Variants in LRRK1 observed in about 807,000 individuals in gnomAD.
LRRK1 encodes the protein leucine-rich repeat serine/threonine-protein kinase 1.
Under a neutral mutation model 209.1 loss-of-function variants are expected in LRRK1, and 113 were observed. The ratio of observed to expected loss-of-function variants is 0.54; its 90% CI spans 0.46 to 0.63. The LOEUF is 0.63. LRRK1 is among the 30% of genes least tolerant of loss of function. LRRK1 has a pLI of 0.00. For synonymous variants in LRRK1, 1,144 were observed against 1,099.7 expected, an observed-to-expected ratio of 1.04 and a Z score of -0.80; for missense variants, 2,284 against 2,632.2, an observed-to-expected ratio of 0.87 and a Z score of 2.89.
At chr15:101,041,783 T>C (rs1358087730) in intron 20 of LRRK1, among the ~76,000 whole-genome samples, 1 of 152,328 alleles carries the variant, frequency 6.6e-6, no homozygotes, top group Non-Finnish European at 1.5e-5. Context: ...GCCCTACATA[T>C]ACTATGCCTT....
intron 3 of LRRK1, among the ~76,000 whole-genome samples, chr15:100,983,170 G>A (rs1233427224): frequency 6.6e-6 from 1 of 151,812 alleles, no homozygotes; most frequent in Admixed American, 6.6e-5. Context: ...GAGAGACCCT[G>A]TCAAAAAAAA....
chr15:100,969,105 G>T (rs2141646641), intron 2 of LRRK1, among the ~76,000 whole-genome samples: 1 of 152,260 alleles, frequency 6.6e-6, no homozygotes, highest in East Asian at 1.9e-4. Flanking sequence ...CTTCCAAATT[G>T]CTGGGATTAC....
At chr15:100,926,285 C>T (rs1488028387) in intron 2 of LRRK1, among the ~76,000 whole-genome samples, 2 of 117,412 alleles carry the variant, frequency 1.7e-5, no homozygotes, top group African/African-American at 3.2e-5. Context: ...GGTGATAGAA[C>T]GCAGTCCCCG....
chr15:101,026,276 C>G, intron 17 of LRRK1, 139 bp downstream of exon 17: 1 of 802,524 alleles, frequency 1.2e-6, no homozygotes, highest in Admixed American at 2.6e-5. Context: ...ATCCACAGAG[C>G]TGACCCAGCC....
At chr15:100,976,119 A>C (rs2031278178) in intron 3 of LRRK1, among the ~76,000 whole-genome samples, 1 of 152,080 alleles carries the variant, frequency 6.6e-6, no homozygotes, top group African/African-American at 2.4e-5. Flanking sequence ...TTTAACTTTA[A>C]AAAGAAACAG....
At position 101,046,132 on chromosome 15, in the gene LRRK1, C is replaced by G; in HGVS notation, c.3115C>G (p.Leu1039Val). ...GTTTATAGCACGGATGCTGATCAGC[C>G]TGGCGGAGATGGACCTGCAGGTATT... ...QRFIARMLIS[L>V]AEMDLQLFEN... is the part of the protein sequence containing the mutation. Residue 1039 changes from leucine to valine, a missense_variant, in exon 21 of 34, where the codon CTG becomes GTG. Physicochemically the swap from Leu to Val is conservative, Grantham distance 32. This residue lies in a region of LRRK1 where 780 missense variants were observed against 985.2 expected (regional missense o/e 0.79). Transcript: ENST00000388948. 2 of 1,614,246 alleles carry G rather than the reference C, an allele frequency of 1.2e-6. No homozygotes were observed. Among genetic ancestry groups the G allele is most frequent in the Non-Finnish European group, 8.5e-7 (1 of 1,180,038 alleles).
intron 8 of LRRK1, 25 bp downstream of exon 8, chr15:101,010,602 G>T (rs2033183036): frequency 1.2e-6 from 2 of 1,603,876 alleles, no homozygotes; most frequent in Non-Finnish European, 1.7e-6. Flanking sequence ...CAACTTGAGT[G>T]AATTAGTCAT....
chr15:100,982,071 G>A (rs2031633848), intron 3 of LRRK1, among the ~76,000 whole-genome samples: 1 of 149,584 alleles, frequency 6.7e-6, no homozygotes, highest in Non-Finnish European at 1.5e-5. Flanking sequence ...CGCCATCCCT[G>A]GCATCCTGAG....
Position 101,024,120 on chromosome 15 carries a change from C to T in LRRK1, c.2068-683C>T, listed in dbSNP as rs1249054774. On this transcript the variant is annotated intron_variant, in intron 15 of 33. Transcript: ENST00000388948. This position sits in a 1 kb window ranked among gnomAD's most constrained non-coding sequence, Gnocchi z 4.6. ...CTGTGAAGGCTGAGCCCGCCGCTCT[C>T]TCTGTGGCCGGCCTCAGCCAGTTGA... Among the ~76,000 whole-genome samples, 1 of 152,206 alleles carries T rather than the reference C, an allele frequency of 6.6e-6. No homozygotes were observed. The highest frequency in any genetic ancestry group is 1.5e-5 in the Non-Finnish European group (1 of 68,036).
In LRRK1 at chr15:101,010,667, T is replaced by A; in HGVS notation, c.1118-7T>A. 6.3e-7 allele frequency: 1 copy of A among 1,589,594 alleles called. No homozygotes were observed. Among genetic ancestry groups the A allele is most frequent in the East Asian group, 2.2e-5 (1 of 44,796 alleles). On this transcript the variant is annotated splice_polypyrimidine_tract_variant and splice_region_variant and intron_variant, in intron 8 of 33. Coordinates refer to ENST00000388948, the MANE Select transcript of LRRK1 (RefSeq NM_024652.6). ...TTCATACTTTGGGTCTTTTTTTTTTTTTTTAGCCACTAACTGGATAGGTTT... is the reference window on the plus strand; with the variant it reads ...TTCATACTTTGGGTCTTTTTTTTTTATTTTAGCCACTAACTGGATAGGTTT...
In LRRK1 at chr15:101,065,481, G is replaced by A. The variant is rs777107638; in HGVS notation, c.5044G>A (p.Ala1682Thr). 1.3e-5 allele frequency: 21 copies of A among 1,614,098 alleles called. No homozygotes were observed. Among genetic ancestry groups the A allele is most frequent in the South Asian group, 5.5e-5 (5 of 91,092 alleles). ...HTANRSKFSI[A>T]DEDARQNPYP... ...AGCCAACAGGTCCAAGTTCAGCATC[G>A]CGGATGAAGACGCACGGCAGAACCC... Residue 1682 changes from alanine to threonine, a missense_variant, in exon 32 of 34, where the codon GCG becomes ACG. By Grantham distance (58) the Ala-to-Thr change is moderately conservative. Coordinates refer to ENST00000388948, the MANE Select transcript of LRRK1 (RefSeq NM_024652.6).
chr15:101,049,363 G>A (rs942500070), intron 22 of LRRK1: 1 of 355,406 alleles, frequency 2.8e-6, no homozygotes, highest in Admixed American at 4.6e-5. Flanking sequence ...GTTCAGGGAG[G>A]TCTGGGAACT....
intron 4 of LRRK1, among the ~76,000 whole-genome samples, chr15:100,985,637 G>A (rs2141666328): frequency 6.6e-6 from 1 of 152,342 alleles, no homozygotes; most frequent in Middle Eastern, 3.4e-3. Flanking sequence ...ACAAGTGAAG[G>A]AAGGACTTGG....
chr15:100,988,680 T>C lies in LRRK1; in HGVS notation c.480T>C (p.Ala160=). Residue 160 remains alanine (A), a synonymous_variant, in exon 5 of 34, where the codon GCT becomes GCC. Transcript: ENST00000388948. ...QRLLNWMLAL[A]CQRGHLGVVK... Reference sequence around the variant, plus strand: ...TTCTGAACTGGATGCTGGCCTTGGCTTGCCAGCGAGGGCACCTGGGGGTTG... The same window carrying C: ...TTCTGAACTGGATGCTGGCCTTGGCCTGCCAGCGAGGGCACCTGGGGGTTG... 6.2e-7 allele frequency: 1 copy of C among 1,614,222 alleles called. No individual in the cohort carries two copies. Among genetic ancestry groups the C allele is most frequent in the Non-Finnish European group, 8.5e-7 (1 of 1,180,038 alleles).
intron 2 of LRRK1, among the ~76,000 whole-genome samples, chr15:100,952,239 C>T (rs1045228402): frequency 6.6e-6 from 1 of 152,058 alleles, no homozygotes. Flanking sequence ...AATTAGAAAG[C>T]GGTGATAGTT....
intron 6 of LRRK1, among the ~76,000 whole-genome samples, chr15:100,993,221 A>C (rs555884213): frequency 6.6e-6 from 1 of 152,274 alleles, no homozygotes; most frequent in African/African-American, 2.4e-5. Flanking sequence ...TCTTGAGTTG[A>C]ATATTTATTT....
Position 101,021,058 on chromosome 15 carries a change from G to T in LRRK1, c.1615G>T (p.Val539Leu). The T allele has an allele frequency of 6.2e-7, 1 of 1,614,186 alleles. No individual in the cohort carries two copies. Among genetic ancestry groups the T allele is most frequent in the Non-Finnish European group, 8.5e-7 (1 of 1,180,024 alleles). Residue 539 changes from valine (V) to leucine (L), a missense_variant, in exon 13 of 34, where the codon GTG (valine) becomes TTG (leucine). Physicochemically the swap from Val to Leu is conservative, Grantham distance 32 (BLOSUM62 1). This residue lies in a region of LRRK1 where 494 missense variants were observed against 522.1 expected (regional missense o/e 0.95). Coordinates refer to ENST00000388948, the MANE Select transcript of LRRK1 (RefSeq NM_024652.6). ...RQRSGTEAAS[V>L]LEFPAFLSES... is the part of the protein sequence containing the mutation. ...GCTTTGCCATGTCTTTGCAGCAAGTGTGCTGGAATTTCCGGCCTTCCTAAG... is the reference window on the plus strand; with the variant it reads ...GCTTTGCCATGTCTTTGCAGCAAGTTTGCTGGAATTTCCGGCCTTCCTAAG...
chr15:100,996,703 C>T (rs140603841), intron 6 of LRRK1, among the ~76,000 whole-genome samples: 1 of 152,286 alleles, frequency 6.6e-6, no homozygotes, highest in African/African-American at 2.4e-5. Flanking sequence ...GGTCACGTGG[C>T]AGAATAAGTG....
chr15:100,989,468 G>C (rs556332395), intron 6 of LRRK1, 70 bp downstream of exon 6: 1 of 1,501,546 alleles, frequency 6.7e-7, no homozygotes, highest in East Asian at 2.3e-5. Flanking sequence ...CCTGCAGACT[G>C]GGTAATTTAT....
Sources: gnomAD v4.1 joint callset for allele counts (sites outside exome capture counted in the v4.1 genomes callset) on GRCh38, gnomAD v4.1.1 for gene constraint, gnomAD v4.1.1 regional missense constraint, Gnocchi (gnomAD v3.1) non-coding constraint, MANE v1.5 for transcripts, NCBI Gene and HGNC (gene_info 2026-07-23, HGNC 2026-07-21) for gene names.